The following RERE variants were observed in gnomAD, a reference collection of about 807,000 sequenced individuals.
RERE encodes arginine-glutamic acid dipeptide repeats.
A neutral mutation model predicts 146.1 loss-of-function variants in RERE; 40 were observed. The observed-to-expected ratio is 0.27, with a 90% CI of 0.21 to 0.36. The LOEUF is 0.36. Among genes scored for constraint, RERE ranks in the 10% least tolerant of loss-of-function variants. RERE has a pLI of 1.00. For synonymous variants in RERE, 1,003 were observed against 866.0 expected, an observed-to-expected ratio of 1.16 and a Z score of -2.78; for missense variants, 1,933 against 2,138.7, an observed-to-expected ratio of 0.90 and a Z score of 1.90.
chr1:8,518,357 C>T (rs1412776673), intron 7 of RERE, among the ~76,000 whole-genome samples: 3 of 152,226 alleles, frequency 2.0e-5, no homozygotes, highest in Non-Finnish European at 4.4e-5. Context: ...GACCCTTGTT[C>T]TGTGGCTGGC....
intron 1 of RERE, among the ~76,000 whole-genome samples, chr1:8,696,385 A>G (rs913052778): frequency 6.6e-6 from 1 of 152,164 alleles, no homozygotes; most frequent in African/African-American, 2.4e-5. Flanking sequence ...GGCAGAGGTG[A>G]GCAGATCACC....
intron 1 of RERE, among the ~76,000 whole-genome samples, chr1:8,736,209 GTT>G (rs1640194171): frequency 6.6e-6 from 1 of 151,854 alleles, no homozygotes; most frequent in African/African-American, 2.4e-5. Flanking sequence ...TTGTTTGTTT[GTT>G]TGTTTGTTTT....
intron 1 of RERE, among the ~76,000 whole-genome samples, chr1:8,783,742 A>G (rs1641209599): frequency 6.6e-6 from 1 of 152,178 alleles, no homozygotes; most frequent in South Asian, 2.1e-4. Flanking sequence ...TTTCAATTTA[A>G]GCCAAAGTCC....
chr1:8,469,199 A>G (rs759636047), intron 10 of RERE, among the ~76,000 whole-genome samples: 8 of 152,244 alleles, frequency 5.3e-5, no homozygotes, highest in Non-Finnish European at 1.0e-4. Context: ...ATTACAGAGT[A>G]GTCTTCTCAG....
rs1454834318 is a variant in RERE, at chr1:8,364,078, C to T, written c.1718G>A (p.Arg573Lys). ...CACCGAGCCCCGACTCCGCCGTGTC[C>T]TCATGCTATGCTTCCCACTGAGCCC... ...DDGLSGKHSMRTRRSRGSMST... is the reference protein window; with the variant it reads ...DDGLSGKHSMKTRRSRGSMST... Residue 573 changes from arginine (R) to lysine (K), a missense_variant, in exon 15 of 23, where the codon AGG (arginine) becomes AAG (lysine). Physicochemically the swap from Arg to Lys is conservative, Grantham distance 26 (BLOSUM62 2). Around this residue, in one of 11 missense-constraint regions of RERE, gnomAD observed 1,255 missense variants for 1,153.8 expected, o/e 1.09. Transcript: ENST00000400908. The surrounding 1 kb of genome is among the most constrained non-coding windows in gnomAD (Gnocchi z 5.1). The T allele has an allele frequency of 6.2e-7, 1 of 1,614,206 alleles. No homozygotes were observed. The highest frequency in any genetic ancestry group is 8.5e-7 in the Non-Finnish European group (1 of 1,180,036).
intron 8 of RERE, among the ~76,000 whole-genome samples, chr1:8,502,450 T>C (rs1438761774): frequency 9.1e-6 from 1 of 109,576 alleles, no homozygotes; most frequent in Non-Finnish European, 1.8e-5. Context: ...AGCCGCCCCG[T>C]CCGGGAGGGT....
chr1:8,463,094 C>T (rs963166468), intron 11 of RERE, among the ~76,000 whole-genome samples: 9 of 152,012 alleles, frequency 5.9e-5, no homozygotes, highest in Non-Finnish European at 8.8e-5. Flanking sequence ...CAAAGCCAGG[C>T]GAGGGTAAAG....
chr1:8,451,997 G>C (rs1474974314), intron 11 of RERE, among the ~76,000 whole-genome samples: 1 of 152,154 alleles, frequency 6.6e-6, no homozygotes, highest in Admixed American at 6.5e-5. Context: ...CTCTGAATTA[G>C]CTACCTCACA....
intron 8 of RERE, among the ~76,000 whole-genome samples, chr1:8,503,059 G>C (rs1570355473): frequency 6.7e-6 from 1 of 148,802 alleles, no homozygotes; most frequent in Non-Finnish European, 1.5e-5. Flanking sequence ...ATCCCCCTCT[G>C]CGAGAAACAC....
chr1:8,664,950 T>C (rs952141880), intron 1 of RERE, among the ~76,000 whole-genome samples: 1 of 152,198 alleles, frequency 6.6e-6, no homozygotes, highest in Non-Finnish European at 1.5e-5. Flanking sequence ...CGTCAGTGAC[T>C]CTTCACTTTG....
chr1:8,773,360 G>C (rs1248303709), intron 1 of RERE, among the ~76,000 whole-genome samples: 2 of 152,142 alleles, frequency 1.3e-5, no homozygotes, highest in Non-Finnish European at 2.9e-5. Flanking sequence ...CAGATGATAT[G>C]TCTTCATAAC....
intron 2 of RERE, among the ~76,000 whole-genome samples, chr1:8,640,227 C>T (rs1488910545): frequency 6.6e-6 from 1 of 152,030 alleles, no homozygotes; most frequent in Non-Finnish European, 1.5e-5. Flanking sequence ...ACTCCACTTT[C>T]CCTTTCTAAA....
rs184932335 is a variant in RERE, at chr1:8,467,172, G to A, written c.1105-1149C>T. ...CAGAGATCCCCGTTCTCATGGAGTG[G>A]ACGTTCTGATCTTTTCACTCGTGCT... On this transcript the variant is annotated intron_variant, in intron 10 of 22. Transcript: ENST00000400908. Among the ~76,000 whole-genome samples, 467 of 152,314 alleles carry A rather than the reference G, an allele frequency of 3.1e-3. 3 individuals are homozygous for A. The highest frequency in any genetic ancestry group is 0.011 in the African/African-American group (441 of 41,572).
At chr1:8,744,269 T>C (rs1478032588) in intron 1 of RERE, among the ~76,000 whole-genome samples, 1 of 152,224 alleles carries the variant, frequency 6.6e-6, no homozygotes, top group Non-Finnish European at 1.5e-5. Context: ...AGGAATTCTA[T>C]GTCCTGCTAA....
intron 2 of RERE, among the ~76,000 whole-genome samples, chr1:8,631,810 T>C (rs913490638): frequency 1.3e-5 from 2 of 152,204 alleles, no homozygotes; most frequent in Non-Finnish European, 2.9e-5. Flanking sequence ...GCTTATGTGC[T>C]GTAAGAGAAT....
intron 1 of RERE, chr1:8,786,747 C>T (rs1056548944): frequency 2.6e-6 from 2 of 778,582 alleles, no homozygotes; most frequent in Admixed American, 1.7e-5. Flanking sequence ...CAGTTCTGTA[C>T]ATCTGCCTAT....
At chr1:8,386,014 ATATATATATTTTTTTTTTTTTT>A (rs1182150681) in intron 12 of RERE, among the ~76,000 whole-genome samples, 1 of 44,626 alleles carries the variant, frequency 2.2e-5, no homozygotes, top group African/African-American at 9.4e-5. Flanking sequence ...ATATATATAT[ATATATATATTTTTTTTTTTTTT>A]TTTTTTTTTT....
rs1195390546 is a variant in RERE, at chr1:8,364,109, C to T, written c.1687G>A (p.Asp563Asn). The T allele has an allele frequency of 6.2e-7, 1 of 1,614,212 alleles. No individual in the cohort carries two copies. Among genetic ancestry groups the T allele is most frequent in the Non-Finnish European group, 8.5e-7 (1 of 1,180,044 alleles). ...CTATGCTTCCCACTGAGCCCATCATCCTCTTCCTTGACGGGTTTGAACATA... is the reference window on the plus strand; with the variant it reads ...CTATGCTTCCCACTGAGCCCATCATTCTCTTCCTTGACGGGTTTGAACATA... ...PFMFKPVKEE[D>N]DGLSGKHSMR... The change falls in exon 15 of 23, where the codon GAT becomes AAT. Residue 563 changes from aspartate (D) to asparagine (N), a missense_variant. By Grantham distance (23) the Asp-to-Asn change is conservative. Around this residue, in one of 11 missense-constraint regions of RERE, gnomAD observed 1,255 missense variants for 1,153.8 expected, o/e 1.09. Transcript: ENST00000400908. This position sits in a 1 kb window ranked among gnomAD's most constrained non-coding sequence, Gnocchi z 5.1.
intron 20 of RERE, among the ~76,000 whole-genome samples, chr1:8,357,738 A>G (rs941465132): frequency 2.0e-5 from 3 of 152,196 alleles, no homozygotes; most frequent in African/African-American, 7.2e-5. Flanking sequence ...TCAGCTCGGA[A>G]AACTCAGCCA....
Sources: allele counts gnomAD v4.1 joint callset (sites outside exome capture counted in the v4.1 genomes callset), GRCh38; gene constraint gnomAD v4.1.1; regional missense constraint gnomAD v4.1.1; non-coding constraint Gnocchi (gnomAD v3.1); transcripts MANE v1.5; gene names NCBI Gene and HGNC (gene_info 2026-07-23, HGNC 2026-07-21).